LRCH1: variants seen among roughly 807,000 people sequenced by gnomAD.
LRCH1 encodes the protein leucine-rich repeat and calponin homology domain-containing protein 1.
In LRCH1, 23 loss-of-function variants were observed where a neutral mutation model predicts 94.9. The observed-to-expected ratio is 0.24, with a 90% CI of 0.17 to 0.34. The LOEUF (loss-of-function observed/expected upper bound fraction) is 0.34, where lower values mean the gene tolerates loss of function less well. LRCH1 is among the 10% of genes least tolerant of loss of function. LRCH1 has a pLI of 1.00. For missense variants in LRCH1, 790 were observed against 945.9 expected (o/e 0.84, Z 2.16); for synonymous variants, 364 against 354.9 (o/e 1.03, Z -0.29).
intron 1 of LRCH1, among the ~76,000 whole-genome samples, chr13:46,614,371 A>C (rs936942123): frequency 2.0e-5 from 3 of 152,152 alleles, no homozygotes; most frequent in African/African-American, 7.2e-5. Context: ...AAATTGTTAG[A>C]GAAAGATTAG....
At chr13:46,596,762 G>A (rs968198127) in intron 1 of LRCH1, among the ~76,000 whole-genome samples, 3 of 152,194 alleles carry the variant, frequency 2.0e-5, no homozygotes, top group East Asian at 1.9e-4. Context: ...GCAAAGTTAC[G>A]CAGGTGGTAG....
intron 8 of LRCH1, 40 bp from the exon 9 acceptor site, chr13:46,694,853 A>G (rs1359454699): frequency 1.2e-6 from 2 of 1,611,054 alleles, no homozygotes; most frequent in Non-Finnish European, 1.7e-6. Flanking sequence ...TCTTCTGTTC[A>G]TGAAATCATG....
chr13:46,732,015 T>G (rs1205906860), intron 18 of LRCH1, among the ~76,000 whole-genome samples: 1 of 152,216 alleles, frequency 6.6e-6, no homozygotes, highest in African/African-American at 2.4e-5. Flanking sequence ...TCCAGCTGCT[T>G]TAGAGGTAAG....
At chr13:46,681,954 G>GTGTA in intron 4 of LRCH1, 108 bp downstream of exon 4, 1 of 640,648 alleles carries the variant, frequency 1.6e-6, no homozygotes, top group Non-Finnish European at 2.8e-6. Flanking sequence ...GTGTGTGTGT[G>GTGTA]TGTGTGTGTG....
intron 2 of LRCH1, among the ~76,000 whole-genome samples, chr13:46,659,404 G>A (rs2051416996): frequency 6.6e-6 from 1 of 152,004 alleles, no homozygotes. Flanking sequence ...TGTTGGCCAG[G>A]CTGGTCTCGA....
intron 2 of LRCH1, among the ~76,000 whole-genome samples, chr13:46,657,535 T>C (rs1365058864): frequency 2.3e-5 from 2 of 85,482 alleles, no homozygotes; most frequent in African/African-American, 9.9e-5. Flanking sequence ...TTTTTTTTTT[T>C]TTTTTTTGAG....
chr13:46,751,374 T>C (rs1019581287), exon 19 of LRCH1: 3 of 152,148 alleles, frequency 2.0e-5, no homozygotes, highest in Non-Finnish European at 4.4e-5. Flanking sequence ...GAGGCAATAT[T>C]GACACTTTGG....
intron 3 of LRCH1, among the ~76,000 whole-genome samples, chr13:46,672,967 T>C (rs1274285268): frequency 6.6e-6 from 1 of 152,208 alleles, no homozygotes; most frequent in Non-Finnish European, 1.5e-5. Flanking sequence ...TGTGGAAATA[T>C]AATGTAAGCA....
chr13:46,597,618 A>C (rs2137974932), intron 1 of LRCH1, among the ~76,000 whole-genome samples: 1 of 152,190 alleles, frequency 6.6e-6, no homozygotes, highest in South Asian at 2.1e-4. Flanking sequence ...TGGCCTCCCA[A>C]AGTGCTGGGA....
intron 3 of LRCH1, among the ~76,000 whole-genome samples, chr13:46,672,624 G>A (rs1043369403): frequency 4.6e-5 from 7 of 152,174 alleles, no homozygotes; most frequent in African/African-American, 1.4e-4. Context: ...TGTCTCCAGC[G>A]TCAGGACACA....
At chr13:46,589,758 G>A (rs183072940) in intron 1 of LRCH1, among the ~76,000 whole-genome samples, 1 of 151,888 alleles carries the variant, frequency 6.6e-6, no homozygotes, top group South Asian at 2.1e-4. Context: ...CCACCAACAC[G>A]CCCAGCTAAT....
At chr13:46,710,141 T>A (rs1375268384) in intron 13 of LRCH1, among the ~76,000 whole-genome samples, 2 of 152,170 alleles carry the variant, frequency 1.3e-5, no homozygotes, top group African/African-American at 4.8e-5. Context: ...AATTTTTTTT[T>A]AATTGTGGGG....
chr13:46,699,490 A>T, intron 10 of LRCH1, 87 bp downstream of exon 10: 13 of 1,202,836 alleles, frequency 1.1e-5, no homozygotes, highest in African/African-American at 1.5e-5. Flanking sequence ...TAGAATTTTG[A>T]CCTGCTTTTC....
chr13:46,663,905 A>G (rs1333727593), intron 2 of LRCH1, among the ~76,000 whole-genome samples: 1 of 152,168 alleles, frequency 6.6e-6, no homozygotes, highest in Non-Finnish European at 1.5e-5. Flanking sequence ...ACTTTACATC[A>G]TTATTTCCAT....
In LRCH1 at chr13:46,733,962, CTT is replaced by C; in HGVS notation, c.2053_2054del (p.Leu685GlyfsTer12). 6.2e-7 allele frequency: 1 copy of C among 1,604,588 alleles called. No homozygotes were observed. Among genetic ancestry groups the C allele is most frequent in the Non-Finnish European group, 8.5e-7 (1 of 1,175,064 alleles). ...MAKCRRNVEN[F>X]LEACRKLGVP... ...CCAAATGCAGAAGAAATGTGGAAAA[CTT>C]TTTGGAAGCATGCCGAAAATTAGGA... On this transcript the variant is annotated frameshift_variant, in exon 19 of 20. Transcript: ENST00000389797. LOFTEE classifies it high-confidence loss of function.
intron 1 of LRCH1, among the ~76,000 whole-genome samples, chr13:46,636,816 C>T (rs1195330069): frequency 6.6e-6 from 1 of 152,132 alleles, no homozygotes; most frequent in Non-Finnish European, 1.5e-5. Context: ...CCTCACAGAC[C>T]ACTCCCTTTT....
intron 2 of LRCH1, among the ~76,000 whole-genome samples, chr13:46,651,601 C>CA (rs1415613122): frequency 6.7e-6 from 1 of 148,480 alleles, no homozygotes; most frequent in African/African-American, 2.5e-5. Context: ...GCAGAGGTTG[C>CA]GGTGAGCCAA....
At chr13:46,618,559 T>C (rs927651790) in intron 1 of LRCH1, among the ~76,000 whole-genome samples, 2 of 152,226 alleles carry the variant, frequency 1.3e-5, no homozygotes, top group African/African-American at 4.8e-5. Context: ...AAAAAACTTA[T>C]AAATACAGAA....
downstream of LRCH1, chr13:46,745,000 T>C: frequency 1.3e-6 from 1 of 756,148 alleles, no homozygotes; most frequent in Non-Finnish European, 1.6e-6. Flanking sequence ...ATTCCATAAA[T>C]ATTGAATGAG....
Sources: gnomAD v4.1 joint callset for allele counts (sites outside exome capture counted in the v4.1 genomes callset) on GRCh38, gnomAD v4.1.1 for gene constraint, MANE v1.5 for transcripts, NCBI Gene and HGNC (gene_info 2026-07-23, HGNC 2026-07-21) for gene names.